ARHGAP17: variants seen among roughly 807,000 people sequenced by gnomAD.
ARHGAP17 encodes Rho GTPase activating protein 17.
Under a neutral mutation model 99.5 loss-of-function variants are expected in ARHGAP17, and 57 were observed. That is an observed-to-expected ratio of 0.57 (90% CI 0.46 to 0.71). The LOEUF is 0.71. ARHGAP17 is among the 30% of genes least tolerant of loss of function. ARHGAP17 has a pLI of 0.00. For synonymous variants in ARHGAP17, 417 were observed against 429.6 expected, an observed-to-expected ratio of 0.97 and a Z score of 0.36; for missense variants, 1,000 against 1,122.4, an observed-to-expected ratio of 0.89 and a Z score of 1.56.
At chr16:24,925,106 C>T (rs527745028) in intron 19 of ARHGAP17, among the ~76,000 whole-genome samples, 4 of 151,416 alleles carry the variant, frequency 2.6e-5, no homozygotes, top group Non-Finnish European at 5.9e-5. Context: ...GGGCCAGGTG[C>T]GGTGGCTCAT....
At position 24,968,673 on chromosome 16, in the gene ARHGAP17, G is replaced by A. The variant is rs767371613; in HGVS notation, c.372C>T (p.Tyr124=). The A allele has an allele frequency of 6.5e-5, 105 of 1,614,028 alleles. 1 individual carries two copies. Among genetic ancestry groups the A allele is most frequent in the East Asian group, 1.1e-4 (5 of 44,898 alleles). Residue 124 remains tyrosine (Y), a synonymous_variant, in exon 5 of 20, where the codon TAC becomes TAT. Coordinates refer to ENST00000289968, the MANE Select transcript of ARHGAP17 (RefSeq NM_001006634.3). ...FVEKEIVDPL[Y]GIAEVEIPNI... is the part of the protein sequence containing the mutation. The stretch of plus-strand genomic sequence containing the variant: ...GTGAAGCACCCACCTCAGCTATGCC[G>A]TACAGAGGGTCCACGATCTCCTTCT...
intron 3 of ARHGAP17, 21 bp from the exon 4 acceptor site, chr16:24,970,601 T>C: frequency 6.2e-7 from 1 of 1,601,280 alleles, no homozygotes; most frequent in South Asian, 1.1e-5. Context: ...GAAGACAGTG[T>C]GTGTTTTTCT....
chr16:25,002,727 C>T (rs2053395656), intron 1 of ARHGAP17, among the ~76,000 whole-genome samples: 1 of 152,064 alleles, frequency 6.6e-6, no homozygotes, highest in African/African-American at 2.4e-5. Flanking sequence ...TACAAAAATG[C>T]AAAAGCAATG....
intron 10 of ARHGAP17, among the ~76,000 whole-genome samples, chr16:24,954,042 G>GA (rs113235964): frequency 0.032 from 4,554 of 143,142 alleles, 216 homozygotes; most frequent in African/African-American, 0.11. Context: ...CTTTAAAAAG[G>GA]AAAAAAAAAA....
chr16:24,956,892 C>T (rs1308196401), intron 9 of ARHGAP17: 1 of 152,234 alleles, frequency 6.6e-6, no homozygotes, highest in Non-Finnish European at 1.5e-5. Context: ...CTTCAGCTGT[C>T]GGAGAAGGCT....
rs1043049153 is a variant in ARHGAP17, at chr16:24,955,632, C to T, written c.725-902G>A. On this transcript the variant is annotated intron_variant, in intron 9 of 19. Transcript: ENST00000289968. The surrounding 1 kb of genome is among the most constrained non-coding windows in gnomAD (Gnocchi z 4.0). The stretch of plus-strand genomic sequence containing the variant: ...TCCAGGGAGAAACACTTAAATCTTT[C>T]CAACAACAGGAAGGGTTCATGTCCT... 6 of 152,196 alleles carry T rather than the reference C, an allele frequency of 3.9e-5. No homozygotes were observed. The highest frequency in any genetic ancestry group is 1.2e-4 in the African/African-American group (5 of 41,450). The allele number at this position is 152,196 out of a possible 1,614,324, so 9.4% of individuals were successfully genotyped here. A position where few individuals can be genotyped will look rare whatever the true frequency, so the allele number is the denominator to read the frequency against.
chr16:24,940,897 G>A (rs1442239181), intron 16 of ARHGAP17, among the ~76,000 whole-genome samples: 1 of 152,208 alleles, frequency 6.6e-6, no homozygotes. Context: ...TCAGCTGGCA[G>A]GGAGAATACA....
At chr16:24,947,411 G>A (rs774888820) in intron 14 of ARHGAP17, 71 bp downstream of exon 14, 30 of 1,308,640 alleles carry the variant, frequency 2.3e-5, no homozygotes, top group Non-Finnish European at 3.2e-5. Flanking sequence ...TGTGTAACCT[G>A]AGTTACATTT....
intron 1 of ARHGAP17, among the ~76,000 whole-genome samples, chr16:24,998,938 G>A (rs554045613): frequency 1.2e-4 from 19 of 152,264 alleles, no homozygotes; most frequent in South Asian, 4.2e-4. Context: ...GAGAGACCGC[G>A]GGCAGAGGTG....
chr16:24,951,986 A>C (rs2051657712), intron 12 of ARHGAP17, among the ~76,000 whole-genome samples: 1 of 152,180 alleles, frequency 6.6e-6, no homozygotes, highest in Non-Finnish European at 1.5e-5. Flanking sequence ...CCCCAGTTAC[A>C]GGGCTTTCTT....
rs549140556 is a variant in ARHGAP17 at position 25,011,944 on chromosome 16, A to G, written c.53+3265T>C. On this transcript the variant is annotated intron_variant, in intron 1 of 19. Transcript: ENST00000289968. The stretch of plus-strand genomic sequence containing the variant: ...AGCTTTTGTTACCTCCCTCAATCCA[A>G]TGACAGCTGGGTTTTGCTCTGTGCA... Among the ~76,000 whole-genome samples the G allele has an allele frequency of 2.1e-3, 324 of 152,188 alleles. 1 individual carries two copies. Among genetic ancestry groups the G allele is most frequent in the Non-Finnish European group, 4.0e-3 (274 of 67,984 alleles).
At chr16:25,010,678 G>A (rs1484338635) in intron 1 of ARHGAP17, among the ~76,000 whole-genome samples, 1 of 152,182 alleles carries the variant, frequency 6.6e-6, no homozygotes, top group African/African-American at 2.4e-5. Flanking sequence ...TGCATATAGT[G>A]TCCCCGTAGT....
chr16:24,931,079 T>C lies in ARHGAP17; in HGVS notation c.2220A>G (p.Ala740=), dbSNP rs1167558783. ...GCTCAAGTCCATGCTCACTGGGCAA[T>C]GCCATGGGGTTGGGAGGGCCCTGGC... is the stretch of plus-strand genomic sequence containing the variant. ...PNSQGPPNPM[A]LPSEHGLEQP... is the part of the protein sequence containing the mutation. The change falls in exon 19 of 20, where the codon GCA becomes GCG. Residue 740 remains alanine, a synonymous_variant. Coordinates refer to ENST00000289968, the MANE Select transcript of ARHGAP17 (RefSeq NM_001006634.3). The C allele has an allele frequency of 1.2e-6, 2 of 1,605,520 alleles. No homozygotes were observed. Among genetic ancestry groups the C allele is most frequent in the African/African-American group, 1.3e-5 (1 of 74,604 alleles).
At chr16:25,014,857 C>A (rs1042747427) in intron 1 of ARHGAP17, among the ~76,000 whole-genome samples, 4 of 152,218 alleles carry the variant, frequency 2.6e-5, no homozygotes. Context: ...GGCAGCGATC[C>A]CAGCTGGCTC....
At chr16:24,968,580 C>A (rs1294915636) in intron 5 of ARHGAP17, 81 bp downstream of exon 5, 4 of 1,530,732 alleles carry the variant, frequency 2.6e-6, no homozygotes, top group South Asian at 1.1e-5. Context: ...TTAAAGCCAG[C>A]AACTACTGTT....
At chr16:25,008,257 T>C (rs1378609196) in intron 1 of ARHGAP17, among the ~76,000 whole-genome samples, 1 of 152,222 alleles carries the variant, frequency 6.6e-6, no homozygotes, top group Non-Finnish European at 1.5e-5. Context: ...AAACTATGCA[T>C]AATCTTCATG....
intron 1 of ARHGAP17, among the ~76,000 whole-genome samples, chr16:24,988,122 T>C (rs777417780): frequency 4.6e-5 from 7 of 152,228 alleles, no homozygotes; most frequent in Non-Finnish European, 8.8e-5. Context: ...TTTGATTTCA[T>C]AGTGAGCTGG....
At chr16:24,935,027 T>TC (rs2051097897) in intron 18 of ARHGAP17, among the ~76,000 whole-genome samples, 1 of 151,950 alleles carries the variant, frequency 6.6e-6, no homozygotes. Context: ...TTAAAGCAAT[T>TC]CCCCTGGCTG....
chr16:24,971,236 T>C (rs761507276), intron 3 of ARHGAP17, among the ~76,000 whole-genome samples: 3 of 152,076 alleles, frequency 2.0e-5, no homozygotes, highest in African/African-American at 4.8e-5. Flanking sequence ...GACAGAGACA[T>C]AGACCTTGCT....
Sources: gnomAD v4.1 joint callset for allele counts (sites outside exome capture counted in the v4.1 genomes callset) on GRCh38, gnomAD v4.1.1 for gene constraint, Gnocchi (gnomAD v3.1) non-coding constraint, MANE v1.5 for transcripts, NCBI Gene and HGNC (gene_info 2026-07-23, HGNC 2026-07-21) for gene names.